Variants in MSI2 observed in about 807,000 individuals in gnomAD.
The protein encoded by MSI2 is RNA-binding protein Musashi homolog 2.
Under a neutral mutation model 45.6 loss-of-function variants are expected in MSI2, and 17 were observed. The observed-to-expected ratio is 0.37, with a 90% CI of 0.26 to 0.56. MSI2 has a LOEUF of 0.56. Among genes scored for constraint, MSI2 ranks in the 20% least tolerant of loss-of-function variants. The pLI, the probability that MSI2 is intolerant of heterozygous loss-of-function variation, is 0.77. For synonymous variants in MSI2, 156 were observed against 158.2 expected (o/e 0.99, Z 0.11); for missense variants, 293 against 444.2 (o/e 0.66, Z 3.06).
intron 7 of MSI2, among the ~76,000 whole-genome samples, chr17:57,582,501 C>T (rs2088232594): frequency 6.6e-6 from 1 of 152,058 alleles, no homozygotes; most frequent in African/African-American, 2.4e-5. Flanking sequence ...CTTGATTTAA[C>T]ACTTCATGAT....
In MSI2 at chr17:57,604,881, C is replaced by G. The variant is rs143645113; in HGVS notation, c.537+7931C>G. On this transcript the variant is annotated intron_variant, in intron 8 of 13. Coordinates refer to ENST00000284073, the MANE Select transcript of MSI2 (RefSeq NM_138962.4). ...GTGCCCAGTGATTGGCTCACCCCCC[C>G]ACTCCTTCCAGCTGCTCCTCCTCAG... is the stretch of plus-strand genomic sequence containing the variant. Among the ~76,000 whole-genome samples the G allele has an allele frequency of 3.1e-3, 472 of 151,602 alleles. 1 individual carries two copies. Among genetic ancestry groups the G allele is most frequent in the African/African-American group, 0.011 (457 of 41,286 alleles).
chr17:57,523,078 C>T (rs1388913130), intron 6 of MSI2, among the ~76,000 whole-genome samples: 2 of 148,950 alleles, frequency 1.3e-5, no homozygotes, highest in Middle Eastern at 3.4e-3. Flanking sequence ...GGTGGAGTCT[C>T]ACTCTGTCAT....
chr17:57,669,164 A>G (rs1912589659), intron 11 of MSI2, among the ~76,000 whole-genome samples: 2 of 152,192 alleles, frequency 1.3e-5, no homozygotes, highest in African/African-American at 4.8e-5. Context: ...TTCCCATTTG[A>G]CCATCTGCAA....
At chr17:57,525,275 G>T (rs60641168) in intron 6 of MSI2, among the ~76,000 whole-genome samples, 5 of 151,736 alleles carry the variant, frequency 3.3e-5, no homozygotes, top group Non-Finnish European at 5.9e-5. Context: ...GCTTTTTTGG[G>T]GGGGGCAGGT....
At chr17:57,560,651 T>C (rs970070433) in intron 7 of MSI2, among the ~76,000 whole-genome samples, 5 of 152,214 alleles carry the variant, frequency 3.3e-5, no homozygotes, top group African/African-American at 1.2e-4. Flanking sequence ...GGGGTAACAG[T>C]AACACATGCC....
At chr17:57,618,490 G>A (rs987854114) in intron 9 of MSI2, 1 of 152,264 alleles carries the variant, frequency 6.6e-6, no homozygotes, top group Non-Finnish European at 1.5e-5. Context: ...CAGGAGGATT[G>A]CCTGAGCCCA....
chr17:57,590,802 T>C (rs1249310887), intron 7 of MSI2, among the ~76,000 whole-genome samples: 2 of 152,178 alleles, frequency 1.3e-5, no homozygotes, highest in Non-Finnish European at 2.9e-5. Flanking sequence ...TTTGGTGAAC[T>C]AGTCTCTTGT....
chr17:57,407,198 G>A lies in MSI2; in HGVS notation c.405+5727G>A, dbSNP rs1215261239. Among the ~76,000 whole-genome samples the A allele has an allele frequency of 2.0e-5, 3 of 152,106 alleles. No individual in the cohort carries two copies. Among genetic ancestry groups the A allele is most frequent in the Admixed American group, 6.5e-5 (1 of 15,274 alleles). ...TTTTTTAATGTAATGAGACCTTCCC[G>A]TTTATCCGGCCAGCGTGGGCGATTG... On this transcript the variant is annotated intron_variant, in intron 6 of 13. Transcript: ENST00000284073. This position sits in a 1 kb window ranked among gnomAD's most constrained non-coding sequence, Gnocchi z 4.1.
chr17:57,597,591 A>G (rs555719769), intron 8 of MSI2, among the ~76,000 whole-genome samples: 27 of 152,024 alleles, frequency 1.8e-4, no homozygotes, highest in African/African-American at 6.3e-4. Flanking sequence ...ACACCACTGT[A>G]CTCCAGCCTG....
chr17:57,332,819 A>G (rs1914378617), intron 5 of MSI2, among the ~76,000 whole-genome samples: 1 of 152,158 alleles, frequency 6.6e-6, no homozygotes, highest in Non-Finnish European at 1.5e-5. Context: ...AGGTCAAGAG[A>G]TCAAGACCAT....
At chr17:57,576,508 C>A (rs1048158407) in intron 7 of MSI2, among the ~76,000 whole-genome samples, 7 of 152,176 alleles carry the variant, frequency 4.6e-5, no homozygotes, top group Non-Finnish European at 7.3e-5. Flanking sequence ...GTAATCCCAG[C>A]ACTTTGGGAG....
In MSI2 at chr17:57,446,095, G is replaced by A. The variant is rs986531428; in HGVS notation, c.405+44624G>A. 3.3e-5 allele frequency among the ~76,000 whole-genome samples: 5 copies of A among 152,076 alleles called. No individual in the cohort carries two copies. The East Asian group carries it at 7.7e-4, about 23-fold the overall frequency. ...CACGAACACACTCCTTACTGATACC[G>A]ATCGGTGCAGAGGAAATGGAAGAAA... On this transcript the variant is annotated intron_variant, in intron 6 of 13. Transcript: ENST00000284073.
At chr17:57,345,933 G>C (rs924638952) in intron 5 of MSI2, among the ~76,000 whole-genome samples, 1 of 151,176 alleles carries the variant, frequency 6.6e-6, no homozygotes. Flanking sequence ...CCCTGTCTTC[G>C]TAGGCTCCTC....
intron 6 of MSI2, among the ~76,000 whole-genome samples, chr17:57,416,287 A>T (rs552615264): frequency 6.6e-6 from 1 of 152,344 alleles, no homozygotes; most frequent in Admixed American, 6.5e-5. Context: ...ATGGTGCATT[A>T]AAAATGTTCT....
intron 10 of MSI2, among the ~76,000 whole-genome samples, chr17:57,639,320 A>G (rs12603979): frequency 0.62 from 93,829 of 152,058 alleles, 29,294 homozygotes; most frequent in Non-Finnish European, 0.67. Context: ...AGGCCCAAAC[A>G]CATGATGTGT....
chr17:57,545,497 G>C (rs1049850255), intron 7 of MSI2, among the ~76,000 whole-genome samples: 11 of 152,168 alleles, frequency 7.2e-5, no homozygotes, highest in Admixed American at 3.3e-4. Context: ...AGTTGCAGCA[G>C]CTATGGCAGC....
intron 6 of MSI2, among the ~76,000 whole-genome samples, chr17:57,408,605 G>GC (rs1249626602): frequency 6.6e-6 from 1 of 151,878 alleles, no homozygotes; most frequent in Non-Finnish European, 1.5e-5. Flanking sequence ...GGGCGGGGGG[G>GC]CGGTATGAAG....
intron 5 of MSI2, among the ~76,000 whole-genome samples, chr17:57,311,280 G>A (rs1912378146): frequency 6.6e-6 from 1 of 152,250 alleles, no homozygotes; most frequent in Non-Finnish European, 1.5e-5. Flanking sequence ...AGATGATAAA[G>A]TGGTGCTGGG....
chr17:57,660,500 C>T (rs1222805486), intron 11 of MSI2, among the ~76,000 whole-genome samples: 1 of 152,196 alleles, frequency 6.6e-6, no homozygotes, highest in Non-Finnish European at 1.5e-5. Context: ...CCTGGAAGTT[C>T]ATGGATAAAT....
Sources: allele counts gnomAD v4.1 joint callset (sites outside exome capture counted in the v4.1 genomes callset), GRCh38; gene constraint gnomAD v4.1.1; non-coding constraint Gnocchi (gnomAD v3.1); transcripts MANE v1.5; gene names NCBI Gene and HGNC (gene_info 2026-07-23, HGNC 2026-07-21).